ASB4: variants seen among roughly 807,000 people sequenced by gnomAD.
ASB4 encodes the protein ankyrin repeat and SOCS box protein 4.
In ASB4, 35 loss-of-function variants were observed where a neutral mutation model predicts 38.6. The observed-to-expected ratio is 0.91, with a 90% CI of 0.69 to 1.20. The LOEUF is 1.20. Ranked by LOEUF, ASB4 falls within the 50% of genes most tolerant of loss-of-function variation. The pLI is 0.00. For missense variants in ASB4, 557 were observed against 527.2 expected, an observed-to-expected ratio of 1.06 and a Z score of -0.55; for synonymous variants, 195 against 201.3, an observed-to-expected ratio of 0.97 and a Z score of 0.26.
chr7:95,547,908 G>T, the ASB4 span, among the ~76,000 whole-genome samples: 1 of 152,168 alleles, frequency 6.6e-6, no homozygotes, highest in Non-Finnish European at 1.5e-5. Flanking sequence ...TTTCAAACTT[G>T]TTAGTCCCTA....
chr7:95,487,188 A>C (rs1239828775), intron 1 of ASB4, among the ~76,000 whole-genome samples: 1 of 152,194 alleles, frequency 6.6e-6, no homozygotes, highest in African/African-American at 2.4e-5. Flanking sequence ...GTTCTGAGGG[A>C]CATATAGAAG....
At chr7:95,513,471 G>A (rs1171279190) in intron 2 of ASB4, among the ~76,000 whole-genome samples, 1 of 151,956 alleles carries the variant, frequency 6.6e-6, no homozygotes, top group African/African-American at 2.4e-5. Context: ...GCCCTTCCTT[G>A]CTTGTGGGAG....
At chr7:95,524,043 G>A (rs1790699774) in intron 2 of ASB4, among the ~76,000 whole-genome samples, 1 of 152,134 alleles carries the variant, frequency 6.6e-6, no homozygotes, top group Non-Finnish European at 1.5e-5. Context: ...ATGGCTTATC[G>A]GAGTGTAAGC....
chr7:95,515,345 CTTTCTT>C, intron 2 of ASB4, among the ~76,000 whole-genome samples: 1 of 119,682 alleles, frequency 8.4e-6, no homozygotes. Flanking sequence ...TTCTTTCTTT[CTTTCTT>C]TTTCTTTCTT....
intron 4 of ASB4, among the ~76,000 whole-genome samples, chr7:95,537,126 G>A (rs573410427): frequency 1.3e-5 from 2 of 152,314 alleles, no homozygotes; most frequent in South Asian, 4.1e-4. Flanking sequence ...GGCACAGGGT[G>A]CAAAGTTCAC....
chr7:95,483,964 A>G (rs374245657), upstream of ASB4, among the ~76,000 whole-genome samples: 1 of 150,962 alleles, frequency 6.6e-6, no homozygotes, highest in Non-Finnish European at 1.5e-5. Context: ...TGTTGTTGCT[A>G]TTTTTCAAAA....
chr7:95,492,136 G>T (rs945374558), intron 1 of ASB4, among the ~76,000 whole-genome samples: 1 of 152,088 alleles, frequency 6.6e-6, no homozygotes, highest in African/African-American at 2.4e-5. Flanking sequence ...CTCCATTCTG[G>T]GAGTTGGCTG....
chr7:95,547,637 A>G, the ASB4 span, among the ~76,000 whole-genome samples: 43 of 152,180 alleles, frequency 2.8e-4, no homozygotes, highest in Non-Finnish European at 5.4e-4. Context: ...GTGTATCCAG[A>G]TATTTGGTTA....
chr7:95,525,944 G>A (rs555618161), intron 2 of ASB4, among the ~76,000 whole-genome samples: 2 of 152,258 alleles, frequency 1.3e-5, no homozygotes, highest in South Asian at 2.1e-4. Context: ...CATGCTTGTA[G>A]GAGTTTTGGC....
chr7:95,477,702 T>C (rs557190582), upstream of ASB4, among the ~76,000 whole-genome samples: 7 of 151,916 alleles, frequency 4.6e-5, no homozygotes, highest in South Asian at 1.5e-3. Flanking sequence ...CTTTTTTTCT[T>C]AAATGAGAAG....
At chr7:95,527,598 T>C (rs1790756111) in intron 2 of ASB4, among the ~76,000 whole-genome samples, 1 of 152,076 alleles carries the variant, frequency 6.6e-6, no homozygotes, top group Non-Finnish European at 1.5e-5. Flanking sequence ...CTGGGTACCT[T>C]TGCTGGTTGT....
the ASB4 span, among the ~76,000 whole-genome samples, chr7:95,471,195 T>G: frequency 1.3e-5 from 2 of 152,176 alleles, no homozygotes; most frequent in East Asian, 1.9e-4. Flanking sequence ...ATGAACTGCA[T>G]TCTACAGGAA....
intron 2 of ASB4, among the ~76,000 whole-genome samples, chr7:95,508,505 G>C (rs940484184): frequency 6.6e-6 from 1 of 152,188 alleles, no homozygotes; most frequent in African/African-American, 2.4e-5. Context: ...AGGAAAGTAA[G>C]TCAAACAGAG....
chr7:95,537,916 A>T lies in ASB4; in HGVS notation c.*157A>T. ...GCCATTAATCCTAGAATATCATGGT[A>T]TGGGGAAATAAAGAAGAAGTAAAGT... On this transcript the variant is annotated 3_prime_UTR_variant, in exon 5 of 5. Transcript: ENST00000325885. 1 of 612,164 alleles carries T rather than the reference A, an allele frequency of 1.6e-6. No individual in the cohort carries two copies. Among genetic ancestry groups the T allele is most frequent in the Non-Finnish European group, 2.8e-6 (1 of 356,456 alleles). 37.9% of individuals were successfully genotyped at this position (612,164 alleles called of 1,614,324 possible).
intron 2 of ASB4, among the ~76,000 whole-genome samples, chr7:95,513,894 A>T (rs1010824533): frequency 1.3e-5 from 2 of 152,176 alleles, no homozygotes; most frequent in African/African-American, 4.8e-5. Flanking sequence ...CTGTCTGTCA[A>T]TTCTGGTCCA....
At chr7:95,525,950 T>A (rs1173253644) in intron 2 of ASB4, among the ~76,000 whole-genome samples, 1 of 152,220 alleles carries the variant, frequency 6.6e-6, no homozygotes, top group African/African-American at 2.4e-5. Context: ...TGTAGGAGTT[T>A]TGGCTTTCTC....
chr7:95,537,552 G>C lies in ASB4; in HGVS notation c.1093-19G>C, dbSNP rs779150910. The C allele has an allele frequency of 6.3e-7, 1 of 1,580,522 alleles. No homozygotes were observed. The highest frequency in any genetic ancestry group is 8.6e-7 in the Non-Finnish European group (1 of 1,160,594). On this transcript the variant is annotated intron_variant, in intron 4 of 4. Coordinates refer to ENST00000325885, the MANE Select transcript of ASB4 (RefSeq NM_016116.3). ...TGTGGGGCCTTGCTAACTTTAATTT[G>C]TCTTGCCTTCCTTTTCAGAAATACT...
In ASB4 at chr7:95,528,285, C is replaced by T. The variant is rs1372572712; in HGVS notation, c.960C>T (p.Tyr320=). 1.9e-6 allele frequency: 3 copies of T among 1,614,136 alleles called. No homozygotes were observed. Among genetic ancestry groups the T allele is most frequent in the Middle Eastern group, 1.6e-4 (1 of 6,062 alleles). Residue 320 remains tyrosine (Y), a synonymous_variant, in exon 3 of 5, where the codon TAC becomes TAT. Transcript: ENST00000325885. ...TGAACCATGGGGCTGCCCGAATATA[C>T]CCTCCACAGTTCCATAAGGTGAGGC... ...LLLNHGAARI[Y]PPQFHKVIQA... is the part of the protein sequence containing the mutation.
At chr7:95,531,992 G>T (rs145347232) in intron 3 of ASB4, among the ~76,000 whole-genome samples, 5 of 152,286 alleles carry the variant, frequency 3.3e-5, no homozygotes, top group African/African-American at 9.6e-5. Flanking sequence ...CTGGTAGATG[G>T]CTGGTATTAC....
Sources: allele counts gnomAD v4.1 joint callset (sites outside exome capture counted in the v4.1 genomes callset), GRCh38; gene constraint gnomAD v4.1.1; transcripts MANE v1.5; gene names NCBI Gene and HGNC (gene_info 2026-07-23, HGNC 2026-07-21).